Variants in CAPN13 observed in about 807,000 individuals in gnomAD.
CAPN13 encodes calpain 13.
CAPN13 carries 90 observed loss-of-function variants against 98.4 expected under a neutral mutation model. The ratio of observed to expected loss-of-function variants is 0.92; its 90% CI spans 0.77 to 1.09. The LOEUF (loss-of-function observed/expected upper bound fraction) is 1.09. Ranked by LOEUF, CAPN13 falls within the 50% of genes least tolerant of loss-of-function variation. The probability of loss-of-function intolerance (pLI) is 0.00; values close to 1 mark genes in which losing one functional copy is unlikely to be tolerated. For missense variants in CAPN13, 887 were observed against 841.3 expected, an observed-to-expected ratio of 1.05 and a Z score of -0.67; for synonymous variants, 330 against 305.5, an observed-to-expected ratio of 1.08 and a Z score of -0.84.
chr2:30,782,097 A>G (rs1674010786), intron 2 of CAPN13, among the ~76,000 whole-genome samples: 1 of 152,156 alleles, frequency 6.6e-6, no homozygotes, highest in African/African-American at 2.4e-5. Flanking sequence ...GGCTCCTGGC[A>G]TCTTAGAAAA....
intron 5 of CAPN13, among the ~76,000 whole-genome samples, chr2:30,766,441 G>T (rs773996239): frequency 3.3e-5 from 5 of 152,350 alleles, no homozygotes; most frequent in South Asian, 2.1e-4. Context: ...AGCAGCAGCT[G>T]GGTGTTTTGA....
chr2:30,798,768 C>T (rs1244198335), intron 1 of CAPN13, among the ~76,000 whole-genome samples: 5 of 152,126 alleles, frequency 3.3e-5, no homozygotes, highest in East Asian at 1.9e-4. Flanking sequence ...AAACCCTGCA[C>T]GAGGAGCAAT....
chr2:30,736,151 C>T (rs1052212553), intron 18 of CAPN13, among the ~76,000 whole-genome samples: 7 of 147,188 alleles, frequency 4.8e-5, no homozygotes, highest in Non-Finnish European at 7.4e-5. Flanking sequence ...TCTATGTTTT[C>T]GACAGATCCT....
rs1671084655 is a variant in CAPN13 at position 30,731,371 on chromosome 2, T to C, written c.1956A>G (p.Gly652=). The C allele has an allele frequency of 1.2e-6, 2 of 1,611,216 alleles. No individual in the cohort carries two copies. Among genetic ancestry groups the C allele is most frequent in the Non-Finnish European group, 1.7e-6 (2 of 1,178,658 alleles). The part of the protein sequence containing the change: ...AKTFRNLSKD[G]KGLYLTEMEW... ...CCATTTCTGTCAGGTAGAGTCCTTTTCCATCCTTAGAGAGGTTGCGGAAGG... is the reference window on the plus strand; with the variant it reads ...CCATTTCTGTCAGGTAGAGTCCTTTCCCATCCTTAGAGAGGTTGCGGAAGG... Residue 652 remains glycine, a synonymous_variant, in exon 21 of 23, where the codon GGA becomes GGG. Transcript: ENST00000295055.
chr2:30,800,179 A>AGAAAGAAAGAAG (rs1675182000), intron 1 of CAPN13, among the ~76,000 whole-genome samples: 1 of 151,892 alleles, frequency 6.6e-6, no homozygotes, highest in Non-Finnish European at 1.5e-5. Context: ...AAAGAAAGAA[A>AGAAAGAAAGAAG]GAAAGAAAGA....
chr2:30,743,489 T>A lies in CAPN13; in HGVS notation c.1339A>T (p.Met447Leu). The A allele has an allele frequency of 6.2e-7, 1 of 1,613,992 alleles. No individual in the cohort carries two copies. Among genetic ancestry groups the A allele is most frequent in the Non-Finnish European group, 8.5e-7 (1 of 1,179,890 alleles). Residue 447 changes from methionine to leucine, a missense_variant, in exon 13 of 23, where the codon ATG becomes TTG. Met to Leu is a conservative substitution (Grantham distance 15, BLOSUM62 2). Transcript: ENST00000295055. ...TTCCCAGGGCTCAGATGGTAAGTCA[T>A]GGTGAAGTTGCGGCGGAATTTATTA... ...SNNKFRRNFT[M>L]TYHLSPGNYV...
rs1476171008 is a variant in CAPN13, at chr2:30,758,047, C to T, written c.865G>A (p.Gly289Arg). The T allele has an allele frequency of 2.5e-6, 4 of 1,604,476 alleles. No individual in the cohort carries two copies. The highest frequency in any genetic ancestry group is 3.4e-6 in the Non-Finnish European group (4 of 1,176,674). Residue 289 changes from glycine (G) to arginine (R), a missense_variant and splice_region_variant, in exon 8 of 23, where the codon GGG (glycine) becomes AGG (arginine). Transcript: ENST00000295055. Reference sequence around the variant, plus strand: ...GAGAGAGGTTTCCAGAAGCCATACCCATCACTCCAGCGCCCTCTCCATTCG... The same window carrying T: ...GAGAGAGGTTTCCAGAAGCCATACCTATCACTCCAGCGCCCTCTCCATTCG... Reference protein sequence around the residue: ...EAEWRGRWSDGSQEWEETCDP... With the variant: ...EAEWRGRWSDRSQEWEETCDP...
Position 30,750,873 on chromosome 2 carries a change from C to T in CAPN13, c.1236+230G>A, listed in dbSNP as rs560104949. 4.0e-3 allele frequency among the ~76,000 whole-genome samples: 610 copies of T among 152,288 alleles called. 4 individuals are homozygous for T. Among genetic ancestry groups the T allele is most frequent in the Non-Finnish European group, 6.5e-3 (444 of 68,030 alleles). ...CAGCATCCCAGAAAACGCTGACAGG[C>T]GACACGGGCAGGAGGTGAGTCCCAC... On this transcript the variant is annotated intron_variant, in intron 11 of 22. Transcript: ENST00000295055.
chr2:30,797,114 G>C (rs1309032598), intron 1 of CAPN13, among the ~76,000 whole-genome samples: 15 of 152,164 alleles, frequency 9.9e-5, no homozygotes, highest in Non-Finnish European at 8.8e-5. Flanking sequence ...TTCCTGGTCA[G>C]AGATCTAGAG....
intron 11 of CAPN13, among the ~76,000 whole-genome samples, chr2:30,748,846 C>T (rs1672040497): frequency 6.6e-6 from 1 of 152,158 alleles, no homozygotes; most frequent in South Asian, 2.1e-4. Flanking sequence ...AGTGATTTCT[C>T]TCCACCGAAT....
rs766552148 is a variant in CAPN13 at position 30,795,088 on chromosome 2, C to T, written c.-32-7731G>A. Among the ~76,000 whole-genome samples, 104 of 152,004 alleles carry T rather than the reference C, an allele frequency of 6.8e-4. 1 individual carries two copies. Among genetic ancestry groups the T allele is most frequent in the Non-Finnish European group, 6.5e-4 (44 of 67,868 alleles). On this transcript the variant is annotated intron_variant, in intron 1 of 22. Coordinates refer to ENST00000295055, the MANE Select transcript of CAPN13 (RefSeq NM_144575.3). ...TTATATAGTCTTCTGTAATTTGCTT[C>T]TCCCTGCACCCCATGGTTAAAAAGT... is the stretch of plus-strand genomic sequence containing the variant.
intron 3 of CAPN13, 75 bp downstream of exon 3, chr2:30,777,492 G>T: frequency 2.3e-6 from 3 of 1,316,484 alleles, no homozygotes; most frequent in South Asian, 1.3e-5. Context: ...CAGAAGTGGG[G>T]CAGGACTCTG....
chr2:30,745,825 C>T, intron 11 of CAPN13, 91 bp from the exon 12 acceptor site: 2 of 1,013,396 alleles, frequency 2.0e-6, no homozygotes, highest in Non-Finnish European at 2.9e-6. Context: ...TTGGTTTCAT[C>T]CCTGCATTCC....
chr2:30,736,720 G>A (rs896151702), intron 17 of CAPN13, 149 bp from the exon 18 acceptor site: 41 of 682,210 alleles, frequency 6.0e-5, no homozygotes, highest in Admixed American at 9.8e-5. Flanking sequence ...GCTGGCTCCC[G>A]CTGTGTCTGA....
chr2:30,767,435 T>G (rs935817777), intron 5 of CAPN13, among the ~76,000 whole-genome samples: 2 of 152,188 alleles, frequency 1.3e-5, no homozygotes, highest in African/African-American at 2.4e-5. Flanking sequence ...AGGTCATCTG[T>G]TAACAAAATG....
In CAPN13 at chr2:30,725,145, C is replaced by T. The variant is rs575869294; in HGVS notation, c.*31-1909G>A. 2.0e-5 allele frequency among the ~76,000 whole-genome samples: 3 copies of T among 152,282 alleles called. No homozygotes were observed. The East Asian group carries it at 5.8e-4, about 29-fold the overall frequency. On this transcript the variant is annotated intron_variant, in intron 22 of 22. Transcript: ENST00000295055. ...GGGTGTGATTTGCCGTGTATTAAAC[C>T]TCTAGACTCTGAAATCAATTAAAAT... is the stretch of plus-strand genomic sequence containing the variant.
intron 14 of CAPN13, 27 bp downstream of exon 14, chr2:30,742,299 G>C (rs145761554): frequency 6.3e-7 from 1 of 1,594,016 alleles, no homozygotes; most frequent in Non-Finnish European, 8.5e-7. Flanking sequence ...AATGAGGCTC[G>C]CCAGCCAAAC....
At chr2:30,801,622 A>G (rs1381873225) in intron 1 of CAPN13, among the ~76,000 whole-genome samples, 13 of 142,238 alleles carry the variant, frequency 9.1e-5, no homozygotes, top group Non-Finnish European at 1.6e-4. Flanking sequence ...AAAAAAAAAA[A>G]AAAAAGAAGA....
intron 17 of CAPN13, chr2:30,737,149 T>A (rs1445693154): frequency 6.5e-6 from 1 of 153,094 alleles, no homozygotes. Flanking sequence ...TGACCTCCCC[T>A]CGGGTTACTC....
Sources: gnomAD v4.1 joint callset for allele counts (sites outside exome capture counted in the v4.1 genomes callset) on GRCh38, gnomAD v4.1.1 for gene constraint, MANE v1.5 for transcripts, NCBI Gene and HGNC (gene_info 2026-07-23, HGNC 2026-07-21) for gene names.